TRPM4: variants seen among roughly 807,000 people sequenced by gnomAD.
TRPM4 encodes transient receptor potential cation channel subfamily M member 4.
A neutral mutation model predicts 135.6 loss-of-function variants in TRPM4; 124 were observed. The ratio of observed to expected loss-of-function variants is 0.91; its 90% CI spans 0.79 to 1.06. The LOEUF is 1.06. Among genes scored for constraint, TRPM4 ranks in the 50% least tolerant of loss-of-function variants. The pLI is 0.00. For synonymous variants in TRPM4, 745 were observed against 705.6 expected (o/e 1.06, Z -0.88); for missense variants, 1,658 against 1,671.4 (o/e 0.99, Z 0.14).
At chr19:49,194,206 T>A (rs568052135) in intron 16 of TRPM4, among the ~76,000 whole-genome samples, 178 of 152,022 alleles carry the variant, frequency 1.2e-3, no homozygotes, top group African/African-American at 4.0e-3. Flanking sequence ...CTCCTTCTCC[T>A]GCTCCTCCTC....
intron 20 of TRPM4, among the ~76,000 whole-genome samples, chr19:49,204,753 G>A (rs754428819): frequency 1.3e-5 from 2 of 150,456 alleles, no homozygotes; most frequent in African/African-American, 4.9e-5. Context: ...TAGAAACGGG[G>A]TTTCACCATG....
rs370812642 is a variant in TRPM4, at chr19:49,189,096, G to A, written c.2019+5G>A. The stretch of plus-strand genomic sequence containing the variant: ...TTTGCCCAGGATGGGGTACAGGTGA[G>A]TATCTGCGACACCAACATCCCAAAC... On this transcript the variant is annotated splice_donor_5th_base_variant and intron_variant, in intron 14 of 24. Transcript: ENST00000252826. 3.1e-6 allele frequency: 5 copies of A among 1,613,988 alleles called. No individual in the cohort carries two copies. The highest frequency in any genetic ancestry group is 2.2e-5 in the East Asian group (1 of 44,880).
In TRPM4 at chr19:49,171,825, G is replaced by A; in HGVS notation, c.1050+56G>A. The A allele has an allele frequency of 6.4e-7, 1 of 1,569,220 alleles. No individual in the cohort carries two copies. The highest frequency in any genetic ancestry group is 1.4e-5 in the African/African-American group (1 of 74,058). On this transcript the variant is annotated intron_variant, in intron 8 of 24. Coordinates refer to ENST00000252826, the MANE Select transcript of TRPM4 (RefSeq NM_017636.4). The surrounding 1 kb of genome is among the most constrained non-coding windows in gnomAD (Gnocchi z 4.7). ...TGAGATGGGAGGGAACTGGGGACTT[G>A]GGCTCCTGGGTCTGAGGGAGGAGGG...
intron 12 of TRPM4, among the ~76,000 whole-genome samples, chr19:49,187,596 C>T (rs1434939240): frequency 6.6e-6 from 1 of 152,124 alleles, no homozygotes; most frequent in Non-Finnish European, 1.5e-5. Context: ...CAATCCTCCT[C>T]ATTTGTAACC....
At chr19:49,158,864 T>C (rs2041574149) in intron 2 of TRPM4, 1 of 152,218 alleles carries the variant, frequency 6.6e-6, no homozygotes, top group Non-Finnish European at 1.5e-5. Flanking sequence ...CACAGGACGC[T>C]GGGAAATATC....
At chr19:49,197,324 CTTTCTTTCTT>C (rs1968708192) in intron 17 of TRPM4, among the ~76,000 whole-genome samples, 1 of 112,518 alleles carries the variant, frequency 8.9e-6, no homozygotes. Flanking sequence ...TTCTTTCTTT[CTTTCTTTCTT>C]TCTTTCTTTC....
At position 49,177,432 on chromosome 19, in the gene TRPM4, A is replaced by G. The variant is rs148410694; in HGVS notation, c.1151-3917A>G. ...TCACTGCAACCCCCGGGTTCAAGCG[A>G]TTGTCCTGCCTCAGCCTCCCGAGAA... On this transcript the variant is annotated intron_variant, in intron 9 of 24. Coordinates refer to ENST00000252826, the MANE Select transcript of TRPM4 (RefSeq NM_017636.4). Among the ~76,000 whole-genome samples, 1,036 of 147,042 alleles carry G rather than the reference A, an allele frequency of 7.0e-3. 13 individuals are homozygous for G. Among genetic ancestry groups the G allele is most frequent in the African/African-American group, 0.025 (987 of 39,526 alleles).
intron 20 of TRPM4, 128 bp downstream of exon 20, chr19:49,202,269 C>A: frequency 1.8e-6 from 2 of 1,121,462 alleles, no homozygotes; most frequent in Non-Finnish European, 2.7e-6. Flanking sequence ...ATGCTGCCTT[C>A]TCCCCAAACC....
intron 10 of TRPM4, among the ~76,000 whole-genome samples, chr19:49,182,173 T>TATCTATCCATTCATCCATACATCC (rs1967973869): frequency 2.4e-5 from 3 of 125,042 alleles, no homozygotes; most frequent in African/African-American, 9.8e-5. Context: ...TCCATCCATC[T>TATCTATCCATTCATCCATACATCC]ACCTATCCAT....
At chr19:49,166,341 G>T in intron 3 of TRPM4, 126 bp downstream of exon 3, 1 of 993,754 alleles carries the variant, frequency 1.0e-6, no homozygotes. Flanking sequence ...GGCTCTCTTT[G>T]TCCCCTCCGC....
At chr19:49,209,150 T>C (rs1969258143) in intron 20 of TRPM4, among the ~76,000 whole-genome samples, 1 of 152,184 alleles carries the variant, frequency 6.6e-6, no homozygotes, top group African/African-American at 2.4e-5. Context: ...ATCCACTTAA[T>C]GTGCTGCTGA....
chr19:49,182,941 T>TG lies in TRPM4; in HGVS notation c.1608+25dup, dbSNP rs869079125. 1.9e-5 allele frequency: 30 copies of TG among 1,583,166 alleles called. No individual in the cohort carries two copies. The highest frequency in any genetic ancestry group is 4.0e-5 in the African/African-American group (3 of 74,376). On this transcript the variant is annotated intron_variant, in intron 11 of 24. Transcript: ENST00000252826. Reference sequence around the variant, plus strand: ...GGAGAGCGTAAGGACCGGGCAAAGCTGGGGGGCCCCCCCGCGCGGGAAGGA... The same window carrying TG: ...GGAGAGCGTAAGGACCGGGCAAAGCTGGGGGGGCCCCCCCGCGCGGGAAGGA...
intron 2 of TRPM4, 51 bp downstream of exon 2, chr19:49,158,310 C>G: frequency 6.4e-7 from 1 of 1,565,520 alleles, no homozygotes. Context: ...GCCCGCTGAC[C>G]CCGCCCGCGG....
chr19:49,162,127 G>C (rs573125589), intron 2 of TRPM4, among the ~76,000 whole-genome samples: 1 of 152,206 alleles, frequency 6.6e-6, no homozygotes, highest in African/African-American at 2.4e-5. Flanking sequence ...GCCAAGGAGA[G>C]GGTTTCCAGA....
intron 2 of TRPM4, among the ~76,000 whole-genome samples, chr19:49,165,097 C>T (rs975994753): frequency 1.3e-5 from 2 of 152,030 alleles, no homozygotes; most frequent in African/African-American, 2.4e-5. Flanking sequence ...TACTCAGGTG[C>T]CAATCACCTT....
At position 49,200,393 on chromosome 19, in the gene TRPM4, C is replaced by T; in HGVS notation, c.2739C>T (p.Asn913=). ...TVRLLHIFTV[N]KQLGPKIVIV... ...GGCTGCTTCACATCTTCACGGTCAA[C>T]AAACAGCTGGGGCCCAAGATCGTCA... Residue 913 remains asparagine (N), a synonymous_variant, in exon 18 of 25, where the codon AAC becomes AAT. Coordinates refer to ENST00000252826, the MANE Select transcript of TRPM4 (RefSeq NM_017636.4). The T allele has an allele frequency of 6.3e-7, 1 of 1,575,904 alleles. No individual in the cohort carries two copies. The highest frequency in any genetic ancestry group is 1.1e-5 in the South Asian group (1 of 90,528).
intron 6 of TRPM4, among the ~76,000 whole-genome samples, chr19:49,169,937 T>C (rs1007173788): frequency 5.9e-5 from 9 of 152,194 alleles, no homozygotes; most frequent in African/African-American, 2.2e-4. Flanking sequence ...TTTTGTGTAT[T>C]TTTCTTGTAT....
intron 9 of TRPM4, among the ~76,000 whole-genome samples, chr19:49,172,580 C>T (rs1967506674): frequency 1.3e-5 from 2 of 151,498 alleles, no homozygotes; most frequent in South Asian, 4.2e-4. Context: ...ACCTGTCCAT[C>T]CATGCATCCA....
At chr19:49,195,670 C>T (rs934888537) in intron 16 of TRPM4, among the ~76,000 whole-genome samples, 9 of 150,006 alleles carry the variant, frequency 6.0e-5, no homozygotes, top group Non-Finnish European at 1.0e-4. Context: ...GCGCCCAGCC[C>T]GTTTCTACTT....
Sources: allele counts gnomAD v4.1 joint callset (sites outside exome capture counted in the v4.1 genomes callset), GRCh38; gene constraint gnomAD v4.1.1; non-coding constraint Gnocchi (gnomAD v3.1); transcripts MANE v1.5; gene names NCBI Gene and HGNC (gene_info 2026-07-23, HGNC 2026-07-21).